Variants in THSD7B observed in about 807,000 individuals in gnomAD.
THSD7B encodes the protein thrombospondin type 1 domain containing 7B, also known as thrombospondin type-1 domain-containing protein 7B.
A neutral mutation model predicts 213.6 loss-of-function variants in THSD7B; 138 were observed. The ratio of observed to expected loss-of-function variants is 0.65; its 90% confidence interval spans 0.56 to 0.74. The LOEUF (loss-of-function observed/expected upper bound fraction) is 0.74. Among genes scored for constraint, THSD7B ranks in the 30% least tolerant of loss-of-function variants. The pLI is 0.00. For synonymous variants in THSD7B, 742 were observed against 687.0 expected, an observed-to-expected ratio of 1.08 and a Z score of -1.25; for missense variants, 1,931 against 1,991.5, an observed-to-expected ratio of 0.97 and a Z score of 0.58.
intron 2 of THSD7B, among the ~76,000 whole-genome samples, chr2:136,927,071 C>A (rs79392473): frequency 0.013 from 2,019 of 152,088 alleles, 31 homozygotes; most frequent in East Asian, 0.075. Context: ...CCAAAAAGAC[C>A]TTATGATTTG....
At chr2:137,111,146 A>T (rs1029064313) in intron 4 of THSD7B, among the ~76,000 whole-genome samples, 8 of 152,248 alleles carry the variant, frequency 5.3e-5, no homozygotes, top group Non-Finnish European at 1.2e-4. Flanking sequence ...GGCTCTCATT[A>T]TAAAATGATT....
intron 5 of THSD7B, among the ~76,000 whole-genome samples, chr2:137,123,203 G>A (rs1040821615): frequency 3.2e-4 from 49 of 152,166 alleles, no homozygotes; most frequent in African/African-American, 1.1e-3. Flanking sequence ...ACACCATGTC[G>A]TGGTGTCTGG....
intron 3 of THSD7B, among the ~76,000 whole-genome samples, chr2:137,057,898 T>C (rs1418008983): frequency 1.3e-5 from 2 of 152,340 alleles, no homozygotes; most frequent in Non-Finnish European, 2.9e-5. Context: ...TAAATTGTAG[T>C]CTAAAACATC....
chr2:137,642,778 A>G, intron 21 of THSD7B, 145 bp downstream of exon 21: 1 of 960,196 alleles, frequency 1.0e-6, no homozygotes, highest in South Asian at 1.8e-5. Context: ...AACATGGAAA[A>G]ATACAACCAA....
intron 14 of THSD7B, among the ~76,000 whole-genome samples, chr2:137,422,431 A>G (rs1380953127): frequency 1.3e-5 from 2 of 152,196 alleles, no homozygotes; most frequent in Admixed American, 6.5e-5. Context: ...TGCTGGAGAC[A>G]AGGGCTTACT....
At chr2:137,178,186 A>AT (rs34568563) in intron 7 of THSD7B, among the ~76,000 whole-genome samples, 12,081 of 144,656 alleles carry the variant, frequency 0.084, 514 homozygotes, top group Non-Finnish European at 0.1. Context: ...CAGTGAGTAA[A>AT]TTTTTTTTTT....
At chr2:136,930,303 A>G (rs566574326) in intron 2 of THSD7B, among the ~76,000 whole-genome samples, 2 of 152,328 alleles carry the variant, frequency 1.3e-5, no homozygotes, top group African/African-American at 4.8e-5. Context: ...AGAGTAGAGC[A>G]TTTTAGGCAA....
At chr2:136,952,590 C>A (rs1685055844) in intron 2 of THSD7B, among the ~76,000 whole-genome samples, 1 of 152,004 alleles carries the variant, frequency 6.6e-6, no homozygotes, top group African/African-American at 2.4e-5. Context: ...CTAACAGACC[C>A]AAACCCACTT....
At position 137,496,449 on chromosome 2, in the gene THSD7B, T is replaced by C. The variant is rs376749558; in HGVS notation, c.3138+45426T>C. ...TTGTCCCCTCCCAATAATGGGCCTA[T>C]TTTCTACCTCTTTGAGTCCTTTTTG... On this transcript the variant is annotated intron_variant, in intron 15 of 27. Transcript: ENST00000409968. 1.8e-3 allele frequency among the ~76,000 whole-genome samples: 281 copies of C among 152,308 alleles called. 3 individuals carry two copies. The South Asian group carries it at 0.022, about 12-fold the overall frequency.
intron 21 of THSD7B, among the ~76,000 whole-genome samples, chr2:137,647,350 C>A (rs1683052394): frequency 2.0e-5 from 3 of 151,844 alleles, no homozygotes; most frequent in East Asian, 1.9e-4. Context: ...TACCTGACTG[C>A]AGCAACAGAG....
chr2:137,225,367 TG>T lies in THSD7B; in HGVS notation c.1724-5676del, dbSNP rs547869829. Among the ~76,000 whole-genome samples, 200 of 152,368 alleles carry T rather than the reference TG, an allele frequency of 1.3e-3. 1 individual carries two copies. Among genetic ancestry groups the T allele is most frequent in the African/African-American group, 4.6e-3 (190 of 41,594 alleles). ...CTTGCTCCCCCAGTGCTAGATTTAC[TG>T]ATGAGCTGACAATGAATTGTGTAGA... On this transcript the variant is annotated intron_variant, in intron 7 of 27. Coordinates refer to ENST00000409968, the MANE Select transcript of THSD7B (RefSeq NM_001316349.2).
intron 15 of THSD7B, among the ~76,000 whole-genome samples, chr2:137,532,027 G>C (rs1680408237): frequency 6.6e-6 from 1 of 151,910 alleles, no homozygotes; most frequent in Middle Eastern, 3.2e-3. Context: ...ATTTGAAAGG[G>C]AGAGTTACAC....
intron 1 of THSD7B, among the ~76,000 whole-genome samples, 195 bp downstream of exon 1, chr2:136,765,882 C>T (rs1681380211): frequency 6.6e-6 from 1 of 152,242 alleles, no homozygotes; most frequent in African/African-American, 2.4e-5. Flanking sequence ...TCGGACGCCT[C>T]TGGCTTGGGG....
intron 2 of THSD7B, among the ~76,000 whole-genome samples, chr2:137,036,524 TTATAAA>T (rs1215777707): frequency 3.3e-5 from 5 of 152,212 alleles, no homozygotes; most frequent in Non-Finnish European, 5.9e-5. Context: ...CTATTATGGC[TTATAAA>T]TATAATTTTC....
chr2:136,920,848 C>T (rs935978730), intron 2 of THSD7B, among the ~76,000 whole-genome samples: 3 of 152,260 alleles, frequency 2.0e-5, no homozygotes, highest in Non-Finnish European at 2.9e-5. Flanking sequence ...GGGGCTTATG[C>T]GTCAGTGCTG....
intron 2 of THSD7B, among the ~76,000 whole-genome samples, chr2:136,954,445 G>A (rs180732592): frequency 0.016 from 2,484 of 152,158 alleles, 34 homozygotes; most frequent in Middle Eastern, 0.02. Flanking sequence ...GGCCGGGCGC[G>A]GTGGCTCACA....
At chr2:136,968,195 G>C (rs528570212) in intron 2 of THSD7B, among the ~76,000 whole-genome samples, 2 of 152,094 alleles carry the variant, frequency 1.3e-5, no homozygotes, top group African/African-American at 4.8e-5. Flanking sequence ...ATTTTCCAAC[G>C]TGATGAAACT....
chr2:137,311,240 C>G (rs1200632187), intron 12 of THSD7B, among the ~76,000 whole-genome samples: 2 of 151,242 alleles, frequency 1.3e-5, no homozygotes, highest in African/African-American at 2.4e-5. Context: ...AAGTTGGATT[C>G]CTAGGTATTT....
At chr2:137,615,034 T>A (rs1682357976) in intron 17 of THSD7B, among the ~76,000 whole-genome samples, 1 of 152,170 alleles carries the variant, frequency 6.6e-6, no homozygotes, top group South Asian at 2.1e-4. Flanking sequence ...CCTCGTTAGA[T>A]TGAGGGTCTG....
Sources: allele counts gnomAD v4.1 joint callset (sites outside exome capture counted in the v4.1 genomes callset), GRCh38; gene constraint gnomAD v4.1.1; transcripts MANE v1.5; gene names NCBI Gene and HGNC (gene_info 2026-07-23, HGNC 2026-07-21).